The following FREM1 variants were observed in gnomAD, a reference collection of about 807,000 sequenced individuals.
FREM1 encodes the protein FRAS1-related extracellular matrix protein 1.
A neutral mutation model predicts 210.1 loss-of-function variants in FREM1; 220 were observed. The ratio of observed to expected loss-of-function variants is 1.05; its 90% CI spans 0.94 to 1.17. The LOEUF (loss-of-function observed/expected upper bound fraction) is 1.17, where lower values mean the gene tolerates loss of function less well. Among genes scored for constraint, FREM1 ranks in the 50% most tolerant of loss-of-function variants. FREM1 has a pLI of 0.00. For missense variants in FREM1, 3,454 were observed against 2,675.5 expected, an observed-to-expected ratio of 1.29 and a Z score of -6.42; for synonymous variants, 1,189 against 980.2, an observed-to-expected ratio of 1.21 and a Z score of -3.98.
At chr9:14,827,899 G>A (rs1348975988) in intron 10 of FREM1, among the ~76,000 whole-genome samples, 1 of 152,216 alleles carries the variant, frequency 6.6e-6, no homozygotes, top group African/African-American at 2.4e-5. Flanking sequence ...CACCACTCTG[G>A]AGAACACAAG....
At chr9:14,889,821 A>C (rs892871916) in intron 1 of FREM1, among the ~76,000 whole-genome samples, 2 of 152,206 alleles carry the variant, frequency 1.3e-5, no homozygotes, top group Non-Finnish European at 2.9e-5. Context: ...AAATTTATTG[A>C]ATATAAGTGC....
At chr9:14,902,769 C>G (rs950737498) in intron 1 of FREM1, among the ~76,000 whole-genome samples, 2 of 152,160 alleles carry the variant, frequency 1.3e-5, no homozygotes, top group Non-Finnish European at 2.9e-5. Context: ...TTTGTCACCC[C>G]ATCCTGCTGC....
rs1827711773 is a variant in FREM1 at position 14,851,340 on chromosome 9, T to A, written c.1096A>T (p.Met366Leu). 6.2e-7 allele frequency: 1 copy of A among 1,611,362 alleles called. No individual in the cohort carries two copies. The highest frequency in any genetic ancestry group is 1.3e-5 in the African/African-American group (1 of 74,868). The change falls in exon 6 of 37, where the codon ATG becomes TTG. Residue 366 changes from methionine (M) to leucine (L), a missense_variant. Physicochemically the swap from Met to Leu is conservative, Grantham distance 15 (BLOSUM62 2). Coordinates refer to ENST00000380880, the MANE Select transcript of FREM1 (RefSeq NM_001379081.2). ...TTTGGTGGCTGATAGGCGATCTGCA[T>A]GTCACTGAGATCTTTCCAGGTGAAT... is the stretch of plus-strand genomic sequence containing the variant. ...SSFTWKDLSD[M>L]QIAYQPPNSS...
rs1422986405 is a variant in FREM1 at position 14,861,138 on chromosome 9, C to T, written c.330-1654G>A. 7.0e-5 allele frequency among the ~76,000 whole-genome samples: 9 copies of T among 127,960 alleles called. 1 individual carries two copies. Among genetic ancestry groups the T allele is most frequent in the African/African-American group, 1.3e-4 (4 of 31,110 alleles). 83.9% of individuals were successfully genotyped at this position (127,960 alleles called of 152,430 possible). Reference sequence around the variant, plus strand: ...ATATATACATATATACACATATATACATATATACACATATATACGTATATA... The same window carrying T: ...ATATATACATATATACACATATATATATATATACACATATATACGTATATA... On this transcript the variant is annotated intron_variant, in intron 3 of 36. Transcript: ENST00000380880.
chr9:14,747,300 C>G lies in FREM1; in HGVS notation c.5973G>C (p.Lys1991Asn), dbSNP rs1842643745. The G allele has an allele frequency of 1.2e-6, 2 of 1,613,402 alleles. No individual in the cohort carries two copies. Among genetic ancestry groups the G allele is most frequent in the Non-Finnish European group, 1.7e-6 (2 of 1,179,768 alleles). ...IKVAELPQAD[K>N]VESTTDSHFP... ...AGTGTGAGTCAGTTGTGGATTCCAC[C>G]TTATCTGCTTGAGGCAGTTCTGCCA... The change falls in exon 33 of 37, where the codon AAG becomes AAC. Residue 1991 changes from lysine to asparagine, a missense_variant. Transcript: ENST00000380880.
chr9:14,837,612 T>C (rs1824876669), intron 10 of FREM1, among the ~76,000 whole-genome samples: 1 of 152,216 alleles, frequency 6.6e-6, no homozygotes, highest in Non-Finnish European at 1.5e-5. Flanking sequence ...AACTATTGTT[T>C]CCTTATTAAA....
chr9:14,792,046 C>G (rs76000172), intron 22 of FREM1, among the ~76,000 whole-genome samples: 3 of 151,952 alleles, frequency 2.0e-5, no homozygotes, highest in Admixed American at 2.0e-4. Context: ...GGTTTCACCA[C>G]GTTGGCCAGG....
intron 21 of FREM1, 25 bp downstream of exon 21, chr9:14,797,473 A>C: frequency 1.9e-6 from 3 of 1,581,804 alleles, no homozygotes; most frequent in Non-Finnish European, 2.6e-6. Context: ...AGAAATCTGA[A>C]AGGGACTCTT....
At chr9:14,883,982 G>T (rs7049012) in intron 1 of FREM1, among the ~76,000 whole-genome samples, 61,030 of 151,962 alleles carry the variant, frequency 0.4, 12,565 homozygotes, top group East Asian at 0.65. Context: ...AAATCCTGGC[G>T]CTTTGGGAGG....
chr9:14,819,941 T>C (rs1315709334), intron 13 of FREM1, among the ~76,000 whole-genome samples: 3 of 152,228 alleles, frequency 2.0e-5, no homozygotes, highest in South Asian at 2.1e-4. Context: ...TCACAGTGAA[T>C]ATTTTAGAAA....
chr9:14,740,087 G>T, intron 36 of FREM1, 62 bp downstream of exon 36: 1 of 1,011,244 alleles, frequency 9.9e-7, no homozygotes. Flanking sequence ...CAGGGTGGTG[G>T]TGCCTGTTTG....
chr9:14,872,099 C>T (rs188052211), intron 1 of FREM1, among the ~76,000 whole-genome samples: 3 of 152,048 alleles, frequency 2.0e-5, no homozygotes, highest in African/African-American at 4.8e-5. Context: ...AGTCAGGTAG[C>T]GTGATGTCTC....
chr9:14,910,913 G>A (rs1270996607), upstream of FREM1: 1 of 152,180 alleles, frequency 6.6e-6, no homozygotes, highest in Non-Finnish European at 1.5e-5. Flanking sequence ...TGGCATTTAA[G>A]GGAAAAGATA....
intron 32 of FREM1, 54 bp from the exon 33 acceptor site, chr9:14,747,482 C>T: frequency 6.6e-7 from 1 of 1,524,044 alleles, no homozygotes; most frequent in Non-Finnish European, 8.9e-7. Context: ...ATCAAGATAG[C>T]AAACAAAAAA....
At chr9:14,893,301 C>T (rs1220487111) in intron 1 of FREM1, among the ~76,000 whole-genome samples, 1 of 152,332 alleles carries the variant, frequency 6.6e-6, no homozygotes, top group Non-Finnish European at 1.5e-5. Context: ...GTACTTTGTG[C>T]TATGAATTTG....
At position 14,857,685 on chromosome 9, in the gene FREM1, G is replaced by C. The variant is rs1829038393; in HGVS notation, c.696C>G (p.Ser232Arg). 1 of 1,613,644 alleles carries C rather than the reference G, an allele frequency of 6.2e-7. No individual in the cohort carries two copies. The highest frequency in any genetic ancestry group is 1.3e-5 in the African/African-American group (1 of 74,886). ...SCTPGLKKIG[S>R]LKVSCEEFLL... ...GGAACTCCTCACAGCTCACTTTGAG[G>C]CTTCCTATTTTCTTTAATCCTGGGG... is the stretch of plus-strand genomic sequence containing the variant. The change falls in exon 5 of 37, where the codon AGC becomes AGG. Residue 232 changes from serine to arginine, a missense_variant. By Grantham distance (110) the Ser-to-Arg change is moderately radical. Coordinates refer to ENST00000380880, the MANE Select transcript of FREM1 (RefSeq NM_001379081.2).
chr9:14,841,648 A>G, intron 9 of FREM1, 59 bp from the exon 10 acceptor site: 1 of 1,331,940 alleles, frequency 7.5e-7, no homozygotes, highest in African/African-American at 1.4e-5. Flanking sequence ...ATCGAGGGAC[A>G]ATGATATTGG....
intron 20 of FREM1, among the ~76,000 whole-genome samples, chr9:14,800,770 T>C (rs1240697415): frequency 1.3e-5 from 2 of 152,232 alleles, no homozygotes; most frequent in African/African-American, 4.8e-5. Context: ...CTTCCTGTCC[T>C]ACATTAATCC....
chr9:14,827,379 C>T (rs761064545), intron 10 of FREM1, among the ~76,000 whole-genome samples: 12 of 152,144 alleles, frequency 7.9e-5, no homozygotes, highest in Non-Finnish European at 1.3e-4. Flanking sequence ...TTATGTAAGG[C>T]AGAACTGAGC....
Sources: gnomAD v4.1 joint callset for allele counts (sites outside exome capture counted in the v4.1 genomes callset) on GRCh38, gnomAD v4.1.1 for gene constraint, MANE v1.5 for transcripts, NCBI Gene and HGNC (gene_info 2026-07-23, HGNC 2026-07-21) for gene names.